Variants in PDILT observed in about 807,000 individuals in gnomAD.
PDILT encodes the protein protein disulfide isomerase like, testis expressed.
PDILT carries 43 observed loss-of-function variants against 53.7 expected under a neutral mutation model. That is an observed-to-expected ratio of 0.80 (90% CI 0.63 to 1.03). The LOEUF is 1.03. PDILT is among the 50% of genes least tolerant of loss of function. The pLI, the probability that PDILT is intolerant of heterozygous loss-of-function variation, is 0.00. For missense variants in PDILT, 727 were observed against 712.3 expected (o/e 1.02, Z -0.24); for synonymous variants, 282 against 274.2 (o/e 1.03, Z -0.28).
At chr16:20,392,098 G>A (rs147251012) in intron 2 of PDILT, among the ~76,000 whole-genome samples, 225 of 152,186 alleles carry the variant, frequency 1.5e-3, no homozygotes, top group Non-Finnish European at 2.8e-3. Flanking sequence ...AATGAGGCCT[G>A]AACCAAGGCA....
Position 20,367,001 on chromosome 16 carries a change from TTTATTTATTTCTCTCTCTCTTTC to T in PDILT, c.1117-1484_1117-1462del, listed in dbSNP as rs1287663486. On this transcript the variant is annotated intron_variant, in intron 8 of 11. Coordinates refer to ENST00000302451, the MANE Select transcript of PDILT (RefSeq NM_174924.2). ...CTTCCTTCCTTCCTTTCTTTCTTTC[TTTATTTATTTCTCTCTCTCTTTC>T]TTCTTTCTTTCTTTCTTTCTTTCTT... 5.4e-5 allele frequency among the ~76,000 whole-genome samples: 8 copies of T among 146,802 alleles called. 1 individual carries two copies. The highest frequency in any genetic ancestry group is 2.0e-4 in the East Asian group (1 of 4,980).
At position 20,359,206 on chromosome 16, in the gene PDILT, C is replaced by T. The variant is rs1323446541; in HGVS notation, c.*113G>A. On this transcript the variant is annotated 3_prime_UTR_variant, in exon 12 of 12. Transcript: ENST00000302451. ...CAGAGGCTTTATTATCCACCCCTAC[C>T]CCCGCCCCACCTACCCTACCACAAT... 10 of 1,500,972 alleles carry T rather than the reference C, an allele frequency of 6.7e-6. No homozygotes were observed. The African/African-American group carries it at 1.1e-4, about 17-fold the overall frequency. 93.0% of individuals were successfully genotyped at this position (1,500,972 alleles called of 1,614,324 possible).
chr16:20,360,178 AG>A (rs112321368), intron 11 of PDILT, among the ~76,000 whole-genome samples: 4,182 of 152,256 alleles, frequency 0.027, 154 homozygotes, highest in South Asian at 0.077. Flanking sequence ...ATTAATACAG[AG>A]GGCACTGTCC....
rs550977004 is a variant in PDILT at position 20,360,433 on chromosome 16, C to G, written c.1506+135G>C. 17 of 833,612 alleles carry G rather than the reference C, an allele frequency of 2.0e-5. No homozygotes were observed. The South Asian group carries it at 2.3e-4, about 11-fold the overall frequency. The allele number at this position is 833,612 out of a possible 1,614,324, so 51.6% of individuals were successfully genotyped here. ...AAAGGTGACTAGTAGAGTCACCCAA[C>G]CTGGATGCTTCTCCATCCATCCTCA... On this transcript the variant is annotated intron_variant, in intron 11 of 11. Transcript: ENST00000302451.
rs1966065845 is a variant in PDILT at position 20,359,471 on chromosome 16, A to C, written c.1603T>G (p.Ser535Ala). 6.2e-7 allele frequency: 1 copy of C among 1,613,990 alleles called. No homozygotes were observed. The highest frequency in any genetic ancestry group is 1.7e-5 in the Admixed American group (1 of 59,992). Residue 535 changes from serine (S) to alanine (A), a missense_variant, in exon 12 of 12, where the codon TCG becomes GCG. By Grantham distance (99) the Ser-to-Ala change is moderately conservative. Transcript: ENST00000302451. ...MMRKGLPEQQ[S>A]PELENMTKYV... ...TTGGTCATGTTCTCCAGCTCAGGCG[A>C]CTGCTGTTCAGGTAACCCTTTCCTC...
At chr16:20,367,024 CTTCTTTCTTTCTTTCTTTCT>C (rs528059448) in intron 8 of PDILT, among the ~76,000 whole-genome samples, 7,375 of 75,828 alleles carry the variant, frequency 0.097, 517 homozygotes, top group Middle Eastern at 0.2. Flanking sequence ...CTCTCTCTTT[CTTCTTTCTTTCTTTCTTTCT>C]TTCTTTCTTT....
intron 11 of PDILT, 41 bp downstream of exon 11, chr16:20,360,527 T>C: frequency 6.6e-7 from 1 of 1,510,102 alleles, no homozygotes; most frequent in Non-Finnish European, 9.2e-7. Flanking sequence ...AGGGATTCTG[T>C]GTGGGACAGA....
chr16:20,372,788 T>G lies in PDILT; in HGVS notation c.918+14A>C, dbSNP rs1292131530. On this transcript the variant is annotated intron_variant, in intron 7 of 11. Coordinates refer to ENST00000302451, the MANE Select transcript of PDILT (RefSeq NM_174924.2). ...ATCCAGGAGTCCCAGAGAGCAATGG[T>G]GCACTCTACAAACCTTGTTTTGGAA... is the stretch of plus-strand genomic sequence containing the variant. 1 of 1,613,298 alleles carries G rather than the reference T, an allele frequency of 6.2e-7. No individual in the cohort carries two copies. Among genetic ancestry groups the G allele is most frequent in the Non-Finnish European group, 8.5e-7 (1 of 1,179,334 alleles).
At chr16:20,393,362 G>T (rs1966628038) in intron 2 of PDILT, among the ~76,000 whole-genome samples, 4 of 152,264 alleles carry the variant, frequency 2.6e-5, no homozygotes, top group Middle Eastern at 6.8e-3. Flanking sequence ...AAATCAAGCT[G>T]GCATCCTGAA....
At chr16:20,387,079 T>A (rs933955731) in intron 2 of PDILT, among the ~76,000 whole-genome samples, 1 of 152,240 alleles carries the variant, frequency 6.6e-6, no homozygotes, top group Non-Finnish European at 1.5e-5. Context: ...ATTCATTCAT[T>A]TATTCATTCA....
rs777793980 is a variant in PDILT at position 20,400,012 on chromosome 16, CTCTATCTATCTA to C, written c.-7-717_-7-706del. On this transcript the variant is annotated intron_variant, in intron 1 of 11. Coordinates refer to ENST00000302451, the MANE Select transcript of PDILT (RefSeq NM_174924.2). ...TATGTAAACATACCTTTGAATATATCTCTATCTATCTATCTATCTATCTATCTATCTATCTAT... is the reference window on the plus strand; with the variant it reads ...TATGTAAACATACCTTTGAATATATCTCTATCTATCTATCTATCTATCTAT... Among the ~76,000 whole-genome samples the C allele has an allele frequency of 1.6e-3, 223 of 141,764 alleles. 3 individuals are homozygous for C. Among genetic ancestry groups the C allele is most frequent in the South Asian group, 0.015 (65 of 4,350 alleles). 93.0% of individuals were successfully genotyped at this position (141,764 alleles called of 152,430 possible). A position where few individuals can be genotyped will look rare whatever the true frequency, so the allele number is the denominator to read the frequency against.
intron 2 of PDILT, chr16:20,385,888 A>C (rs1478943784): frequency 1.3e-5 from 2 of 152,232 alleles, no homozygotes; most frequent in Non-Finnish European, 2.9e-5. Flanking sequence ...CTGTGGTCAG[A>C]AATTATGGAG....
At chr16:20,368,597 T>C (rs1378943576) in intron 8 of PDILT, among the ~76,000 whole-genome samples, 5 of 112,676 alleles carry the variant, frequency 4.4e-5, no homozygotes, top group Non-Finnish European at 1.1e-4. Context: ...TTCCAGACTT[T>C]TTTTGGGGGG....
At chr16:20,376,478 CT>C (rs1040122174) in intron 3 of PDILT, among the ~76,000 whole-genome samples, 21 of 152,318 alleles carry the variant, frequency 1.4e-4, no homozygotes, top group South Asian at 4.1e-4. Context: ...GAAATAGACA[CT>C]TTTACTCTCC....
chr16:20,392,588 G>A lies in PDILT; in HGVS notation c.202+6511C>T, dbSNP rs76922975. Among the ~76,000 whole-genome samples, 1,312 of 152,242 alleles carry A rather than the reference G, an allele frequency of 8.6e-3. 21 individuals are homozygous for A. Among genetic ancestry groups the A allele is most frequent in the South Asian group, 0.061 (296 of 4,814 alleles). On this transcript the variant is annotated intron_variant, in intron 2 of 11. Transcript: ENST00000302451. ...TTTCCAAAGGCCACTTTAGAAGGCCGGCTAGTTTTTTTAAGAACTCATTTT... is the reference window on the plus strand; with the variant it reads ...TTTCCAAAGGCCACTTTAGAAGGCCAGCTAGTTTTTTTAAGAACTCATTTT...
intron 3 of PDILT, among the ~76,000 whole-genome samples, chr16:20,384,392 G>A (rs946030423): frequency 6.6e-6 from 1 of 152,094 alleles, no homozygotes; most frequent in Non-Finnish European, 1.5e-5. Context: ...GAATAGAAGT[G>A]ATACTTACCA....
At chr16:20,384,967 T>C in intron 2 of PDILT, 116 bp from the exon 3 acceptor site, 3 of 933,704 alleles carry the variant, frequency 3.2e-6, no homozygotes, top group Non-Finnish European at 5.1e-6. Context: ...CAGCGGTTAA[T>C]GGCTGAATTT....
rs1432996858 is a variant in PDILT, at chr16:20,359,245, A to C, written c.*74T>G. On this transcript the variant is annotated 3_prime_UTR_variant, in exon 12 of 12. Transcript: ENST00000302451. ...CCCTACCACAATGATATATGCTTTT[A>C]TTGGAATCAATCCATTCAGAAAATG... is the stretch of plus-strand genomic sequence containing the variant. The C allele has an allele frequency of 2.0e-5, 31 of 1,574,832 alleles. No individual in the cohort carries two copies. Among genetic ancestry groups the C allele is most frequent in the Non-Finnish European group, 2.6e-5 (30 of 1,162,640 alleles).
At chr16:20,373,707 TTAAAA>T (rs1013523883) in intron 5 of PDILT, among the ~76,000 whole-genome samples, 8 of 152,206 alleles carry the variant, frequency 5.3e-5, no homozygotes, top group African/African-American at 1.9e-4. Flanking sequence ...TCAATCATTG[TTAAAA>T]TAAGGCAAAC....
Sources: allele counts gnomAD v4.1 joint callset (sites outside exome capture counted in the v4.1 genomes callset), GRCh38; gene constraint gnomAD v4.1.1; transcripts MANE v1.5; gene names NCBI Gene and HGNC (gene_info 2026-07-23, HGNC 2026-07-21).